Variants in ZNF536 observed in about 807,000 individuals in gnomAD.
ZNF536 encodes the protein zinc finger protein 536.
Under a neutral mutation model 84.5 loss-of-function variants are expected in ZNF536, and 13 were observed. The ratio of observed to expected loss-of-function variants is 0.15; its 90% confidence interval spans 0.10 to 0.24. ZNF536 has a LOEUF of 0.24. Ranked by LOEUF, ZNF536 falls within the 10% of genes least tolerant of loss-of-function variation. The probability of loss-of-function intolerance (pLI) is 1.00; values close to 1 mark genes in which losing one functional copy is unlikely to be tolerated. For missense variants in ZNF536, 1,536 were observed against 1,747.5 expected (o/e 0.88, Z 2.16); for synonymous variants, 811 against 742.5 (o/e 1.09, Z -1.50).
At chr19:30,282,270 G>A (rs376606155) in intron 1 of ZNF536, among the ~76,000 whole-genome samples, 23 of 152,334 alleles carry the variant, frequency 1.5e-4, no homozygotes, top group African/African-American at 4.3e-4. Flanking sequence ...CCTTGCCCAC[G>A]CAGGTCAGAC....
chr19:30,375,567 G>T (rs2048783902), intron 1 of ZNF536, among the ~76,000 whole-genome samples: 2 of 152,228 alleles, frequency 1.3e-5, no homozygotes, highest in Non-Finnish European at 2.9e-5. Context: ...CTGCGGCCCG[G>T]GGTGTGGGAG....
At chr19:30,603,689 G>T (rs1015664615) in intron 1 of ZNF536, among the ~76,000 whole-genome samples, 2 of 152,170 alleles carry the variant, frequency 1.3e-5, no homozygotes, top group Non-Finnish European at 2.9e-5. Context: ...TTTGCAAAGG[G>T]TGATTTCATA....
chr19:30,367,722 G>A (rs1248116012), upstream of ZNF536, among the ~76,000 whole-genome samples: 1 of 152,196 alleles, frequency 6.6e-6, no homozygotes, highest in Non-Finnish European at 1.5e-5. Context: ...AGTGAGACAT[G>A]AGAGTCTGGA....
chr19:30,282,832 G>A (rs1055333852), intron 1 of ZNF536, among the ~76,000 whole-genome samples: 2 of 152,188 alleles, frequency 1.3e-5, no homozygotes, highest in African/African-American at 4.8e-5. Context: ...GAGACAGACA[G>A]ACAGACACTG....
rs556306194 is a variant in ZNF536, at chr19:30,455,613, A to T, written c.2170+9881A>T. Among the ~76,000 whole-genome samples, 4 of 152,304 alleles carry T rather than the reference A, an allele frequency of 2.6e-5. No homozygotes were observed. The South Asian group carries it at 8.3e-4, about 32-fold the overall frequency. On this transcript the variant is annotated intron_variant, in intron 2 of 4. Coordinates refer to ENST00000355537, the MANE Select transcript of ZNF536 (RefSeq NM_014717.3). ...CTACTTGGGAGGGTGAGGTGAGAAG[A>T]TCGCTTACGCCCAAGAGGCAGAGGT...
At chr19:30,642,477 G>A (rs185934072) in intron 1 of ZNF536, among the ~76,000 whole-genome samples, 12 of 152,216 alleles carry the variant, frequency 7.9e-5, no homozygotes, top group African/African-American at 1.4e-4. Flanking sequence ...GCCAGGACCC[G>A]CAAGTTGAAG....
At chr19:30,526,221 T>C (rs1377829765) in intron 2 of ZNF536, among the ~76,000 whole-genome samples, 1 of 152,218 alleles carries the variant, frequency 6.6e-6, no homozygotes, top group African/African-American at 2.4e-5. Context: ...CCTTGCCCGC[T>C]GCATCCAGGG....
intron 1 of ZNF536, among the ~76,000 whole-genome samples, chr19:30,598,028 T>A (rs563011796): frequency 1.3e-5 from 2 of 152,322 alleles, no homozygotes; most frequent in South Asian, 4.1e-4. Flanking sequence ...TTGTTGTTGA[T>A]GGTGTTGTTG....
chr19:30,512,848 TA>T, intron 2 of ZNF536, among the ~76,000 whole-genome samples: 1 of 152,294 alleles, frequency 6.6e-6, no homozygotes, highest in Middle Eastern at 3.4e-3. Flanking sequence ...CTCAGCAGTG[TA>T]ACTAAACCTC....
At chr19:30,609,901 T>G (rs1876532081) in intron 1 of ZNF536, among the ~76,000 whole-genome samples, 1 of 111,390 alleles carries the variant, frequency 9.0e-6, no homozygotes, top group Non-Finnish European at 2.1e-5. Flanking sequence ...CATTTATCCA[T>G]CCATCCATCC....
intron 2 of ZNF536, among the ~76,000 whole-genome samples, chr19:30,465,041 G>C (rs1234663712): frequency 6.6e-6 from 1 of 152,126 alleles, no homozygotes; most frequent in Non-Finnish European, 1.5e-5. Flanking sequence ...GTGGTCATTG[G>C]AACCATATTG....
intron 2 of ZNF536, among the ~76,000 whole-genome samples, chr19:30,478,290 G>T (rs2053932881): frequency 6.6e-6 from 1 of 152,096 alleles, no homozygotes; most frequent in South Asian, 2.1e-4. Context: ...AGGTTTCAAG[G>T]TTGGGAGGGT....
At chr19:30,666,590 T>C (rs1442681562) in intron 1 of ZNF536, among the ~76,000 whole-genome samples, 2 of 151,988 alleles carry the variant, frequency 1.3e-5, no homozygotes, top group African/African-American at 4.8e-5. Context: ...TGGGGTGTTC[T>C]AGGAACAGCT....
intron 1 of ZNF536, among the ~76,000 whole-genome samples, chr19:30,567,298 G>C (rs940807697): frequency 6.6e-6 from 1 of 152,202 alleles, no homozygotes; most frequent in African/African-American, 2.4e-5. Context: ...GTCTTGGAGC[G>C]CGTGGGCGGG....
At chr19:30,491,136 A>AC (rs1286138171) in intron 2 of ZNF536, among the ~76,000 whole-genome samples, 1 of 152,154 alleles carries the variant, frequency 6.6e-6, no homozygotes, top group African/African-American at 2.4e-5. Context: ...ATGAAAACAA[A>AC]CGGCAAGTCC....
intron 1 of ZNF536, among the ~76,000 whole-genome samples, chr19:30,631,420 C>T (rs971805170): frequency 1.3e-5 from 2 of 152,188 alleles, no homozygotes; most frequent in African/African-American, 4.8e-5. Flanking sequence ...CCCGGCTGTC[C>T]CCTCCCACCA....
At chr19:30,570,607 T>G (rs1343816634) in intron 1 of ZNF536, among the ~76,000 whole-genome samples, 1 of 152,206 alleles carries the variant, frequency 6.6e-6, no homozygotes, top group Non-Finnish European at 1.5e-5. Context: ...CTAAGCAGAT[T>G]TCAGCGCCAC....
At chr19:30,493,217 C>A (rs1028962063) in intron 2 of ZNF536, among the ~76,000 whole-genome samples, 1 of 142,748 alleles carries the variant, frequency 7.0e-6, no homozygotes, top group Non-Finnish European at 1.5e-5. Context: ...CTAATGAAAA[C>A]GTGTGTAATG....
At chr19:30,499,424 C>T (rs557052280) in intron 2 of ZNF536, among the ~76,000 whole-genome samples, 70 of 151,764 alleles carry the variant, frequency 4.6e-4, no homozygotes, top group Non-Finnish European at 2.8e-4. Context: ...TTTGTGTGAA[C>T]GTATGTCGGT....
Sources: allele counts gnomAD v4.1 joint callset (sites outside exome capture counted in the v4.1 genomes callset), GRCh38; gene constraint gnomAD v4.1.1; transcripts MANE v1.5; gene names NCBI Gene and HGNC (gene_info 2026-07-23, HGNC 2026-07-21).